The following ERICH1 variants were observed in gnomAD, a reference collection of about 807,000 sequenced individuals.
ERICH1 encodes the protein glutamate rich 1, also known as glutamate-rich protein 1.
Under a neutral mutation model 39.6 loss-of-function variants are expected in ERICH1, and 56 were observed. That is an observed-to-expected ratio of 1.41 (90% CI 1.14 to 1.77). The LOEUF is 1.77. Among genes scored for constraint, ERICH1 ranks in the 40% most tolerant of loss-of-function variants. The probability of loss-of-function intolerance (pLI) is 0.00; values close to 1 mark genes in which losing one functional copy is unlikely to be tolerated. For missense variants in ERICH1, 826 were observed against 575.4 expected, an observed-to-expected ratio of 1.44 and a Z score of -4.45; for synonymous variants, 313 against 223.6, an observed-to-expected ratio of 1.40 and a Z score of -3.57.
intron 1 of ERICH1, among the ~76,000 whole-genome samples, chr8:729,192 G>T (rs1160230006): frequency 6.6e-6 from 1 of 152,196 alleles, no homozygotes; most frequent in African/African-American, 2.4e-5. Flanking sequence ...GCCAACATCC[G>T]GCGGTGAATA....
Position 668,627 on chromosome 8 carries a change from A to T in ERICH1, c.1229T>A (p.Met410Lys). 6.2e-7 allele frequency: 1 copy of T among 1,614,244 alleles called. No homozygotes were observed. Among genetic ancestry groups the T allele is most frequent in the Non-Finnish European group, 8.5e-7 (1 of 1,180,042 alleles). ...DTERLKHALE[M>K]FPEHCTMPPD... ...AGGCATCGTGCAATGTTCTGGGAACATTTCCAGAGCATGCTTCAATCTCTC... is the reference window on the plus strand; with the variant it reads ...AGGCATCGTGCAATGTTCTGGGAACTTTTCCAGAGCATGCTTCAATCTCTC... The change falls in exon 5 of 6, where the codon ATG becomes AAG. Residue 410 changes from methionine (M) to lysine (K), a missense_variant. Physicochemically the swap from Met to Lys is moderately conservative, Grantham distance 95. Coordinates refer to ENST00000262109, the MANE Select transcript of ERICH1 (RefSeq NM_207332.3).
At chr8:678,714 A>C (rs1805411933) in intron 3 of ERICH1, among the ~76,000 whole-genome samples, 1 of 152,184 alleles carries the variant, frequency 6.6e-6, no homozygotes, top group Non-Finnish European at 1.5e-5. Flanking sequence ...AGGCTGAGGC[A>C]GAAGAATCGC....
intron 4 of ERICH1, among the ~76,000 whole-genome samples, chr8:669,988 T>C (rs1802926069): frequency 6.6e-6 from 1 of 152,112 alleles, no homozygotes; most frequent in African/African-American, 2.4e-5. Flanking sequence ...CTCCGTCCTC[T>C]CTCCTCTCCA....
chr8:616,623 G>A lies in ERICH1; in HGVS notation c.977-1339C>T, dbSNP rs776447339. On this transcript the variant is annotated intron_variant, in intron 3 of 3. Coordinates refer to the ERICH1 transcript ENST00000522706. ...AGAGAATAAGAGTGAGTGGGGAGAG[G>A]GAGGCAGAGACAGAGAAGGAGAGAC... 1.1e-5 allele frequency: 5 copies of A among 455,094 alleles called. No homozygotes were observed. The East Asian group carries it at 2.1e-4, about 19-fold the overall frequency. The allele number at this position is 455,094 out of a possible 1,614,324, so 28.2% of individuals were successfully genotyped here. A position where few individuals can be genotyped will look rare whatever the true frequency, so the allele number is the denominator to read the frequency against.
At chr8:717,217 T>C (rs1303169266) in intron 1 of ERICH1, among the ~76,000 whole-genome samples, 4 of 152,186 alleles carry the variant, frequency 2.6e-5, no homozygotes, top group Non-Finnish European at 2.9e-5. Context: ...AACGATGTGA[T>C]CCCTGAGACC....
chr8:630,121 CCA>C (rs1253909427), intron 3 of ERICH1, among the ~76,000 whole-genome samples: 4 of 112,282 alleles, frequency 3.6e-5, no homozygotes, highest in Non-Finnish European at 5.3e-5. Context: ...CCGTGAGCAC[CCA>C]CACAGACAGA....
chr8:686,462 A>G (rs1209311241), intron 3 of ERICH1, among the ~76,000 whole-genome samples: 4 of 151,620 alleles, frequency 2.6e-5, no homozygotes, highest in Non-Finnish European at 5.9e-5. Context: ...AAAAAAAAAA[A>G]AAACAAAAAC....
chr8:706,011 G>C (rs929663299), intron 2 of ERICH1, among the ~76,000 whole-genome samples: 2 of 152,190 alleles, frequency 1.3e-5, no homozygotes, highest in Admixed American at 1.3e-4. Context: ...CTTAATGTTT[G>C]GATGCATGAA....
intron 2 of ERICH1, among the ~76,000 whole-genome samples, chr8:693,211 G>A (rs984669207): frequency 6.6e-6 from 1 of 151,680 alleles, no homozygotes; most frequent in South Asian, 2.1e-4. Context: ...CACAGACACA[G>A]ACATGTACAG....
intron 1 of ERICH1, among the ~76,000 whole-genome samples, chr8:726,049 T>G (rs1424008167): frequency 1.3e-5 from 2 of 152,140 alleles, no homozygotes; most frequent in Non-Finnish European, 2.9e-5. Context: ...CAGCAATGAC[T>G]CCTGTCCAGT....
At chr8:722,995 A>T (rs907348627) in intron 1 of ERICH1, among the ~76,000 whole-genome samples, 96 of 152,358 alleles carry the variant, frequency 6.3e-4, no homozygotes, top group African/African-American at 2.1e-3. Context: ...CCATGGTGAC[A>T]TGTGAGCTCC....
At chr8:662,354 TAAG>T (rs928147516), downstream of ERICH1, among the ~76,000 whole-genome samples, 39 of 152,364 alleles carry the variant, frequency 2.6e-4, no homozygotes, top group Non-Finnish European at 8.8e-5. Flanking sequence ...TGCTATTAAT[TAAG>T]AAGCATTTAG....
chr8:715,986 T>C lies in ERICH1; in HGVS notation c.44A>G (p.Gln15Arg). Residue 15 changes from glutamine to arginine, a missense_variant, in exon 2 of 6, where the codon CAG (glutamine) becomes CGG (arginine). By Grantham distance (43) the Gln-to-Arg change is conservative. Transcript: ENST00000262109. ...RKHVFVEKVL[Q>R]RLFPPVPSGQ... ...ACTTGGAACAGGAGGAAAAAGTCTC[T>C]GCAGCACCTTCTCCACAAACACTGT... is the stretch of plus-strand genomic sequence containing the variant. 6.2e-7 allele frequency: 1 copy of C among 1,611,464 alleles called. No individual in the cohort carries two copies. Among genetic ancestry groups the C allele is most frequent in the Non-Finnish European group, 8.5e-7 (1 of 1,179,202 alleles).
At chr8:676,715 G>A (rs1207827477) in intron 3 of ERICH1, among the ~76,000 whole-genome samples, 6 of 152,290 alleles carry the variant, frequency 3.9e-5, no homozygotes, top group East Asian at 1.9e-4. Flanking sequence ...TACCACGGGC[G>A]TCTGTGCCAC....
At position 707,213 on chromosome 8, in the gene ERICH1, T is replaced by C. The variant is rs1170596554; in HGVS notation, c.169+8648A>G. ...CCAACTGATTTTTTTTGTTTCTTTT[T>C]TTTTTTTTTTTTTAGACAGAGTATC... On this transcript the variant is annotated intron_variant, in intron 2 of 5. Coordinates refer to ENST00000262109, the MANE Select transcript of ERICH1 (RefSeq NM_207332.3). Among the ~76,000 whole-genome samples, 88 of 145,664 alleles carry C rather than the reference T, an allele frequency of 6.0e-4. 1 individual carries two copies. The East Asian group carries it at 0.017, about 28-fold the overall frequency.
intron 3 of ERICH1, among the ~76,000 whole-genome samples, chr8:630,852 T>A (rs369480903): frequency 0.011 from 248 of 23,264 alleles, no homozygotes; most frequent in Middle Eastern, 0.033. Context: ...GACCACCCAC[T>A]CAGACAGAGC....
chr8:668,064 T>A (rs1258868927), intron 5 of ERICH1: 1 of 177,934 alleles, frequency 5.6e-6, no homozygotes, highest in East Asian at 1.5e-4. Flanking sequence ...ATTTTCAGCA[T>A]TTGCAGGTTT....
intron 3 of ERICH1, among the ~76,000 whole-genome samples, chr8:653,430 G>A (rs1800228809): frequency 6.6e-6 from 1 of 152,206 alleles, no homozygotes; most frequent in South Asian, 2.1e-4. Flanking sequence ...ACTGCCGAGT[G>A]TTCAAACTGT....
intron 3 of ERICH1, among the ~76,000 whole-genome samples, chr8:631,767 C>T (rs530812968): frequency 8.5e-5 from 13 of 152,214 alleles, no homozygotes; most frequent in Non-Finnish European, 1.6e-4. Context: ...CTCAGCTTCC[C>T]GAGAACTGCC....
Sources: allele counts gnomAD v4.1 joint callset (sites outside exome capture counted in the v4.1 genomes callset), GRCh38; gene constraint gnomAD v4.1.1; transcripts MANE v1.5; gene names NCBI Gene and HGNC (gene_info 2026-07-23, HGNC 2026-07-21).